The following CCR7 variants were observed in gnomAD, a reference collection of about 807,000 sequenced individuals.
CCR7 encodes C-C chemokine receptor type 7.
A neutral mutation model predicts 26.0 loss-of-function variants in CCR7; 11 were observed. That is an observed-to-expected ratio of 0.42 (90% CI 0.27 to 0.70). The LOEUF is 0.70. Ranked by LOEUF, CCR7 falls within the 30% of genes least tolerant of loss-of-function variation. CCR7 has a pLI of 0.23. For synonymous variants in CCR7, 189 were observed against 202.1 expected (o/e 0.94, Z 0.55); for missense variants, 360 against 504.0 (o/e 0.71, Z 2.74).
intron 2 of CCR7, among the ~76,000 whole-genome samples, chr17:40,557,136 T>C (rs1010505409): frequency 2.6e-5 from 4 of 152,196 alleles, no homozygotes; most frequent in Non-Finnish European, 5.9e-5. Context: ...TTCCGGCAGA[T>C]CCCAATCAGC....
At chr17:40,558,680 C>T (rs1324543037) in intron 2 of CCR7, among the ~76,000 whole-genome samples, 1 of 152,138 alleles carries the variant, frequency 6.6e-6, no homozygotes, top group Non-Finnish European at 1.5e-5. Flanking sequence ...CATGTTTTAA[C>T]CTAAATGGAG....
At chr17:40,559,075 C>T (rs2036625613) in intron 1 of CCR7, 133 bp from the exon 2 acceptor site, 1 of 702,600 alleles carries the variant, frequency 1.4e-6, no homozygotes, top group Non-Finnish European at 2.4e-6. Flanking sequence ...TGAAAGAGAA[C>T]ATCAGAACCA....
In CCR7 at chr17:40,554,812, G is replaced by A; in HGVS notation, c.1067C>T (p.Ser356Phe). Residue 356 changes from serine (S) to phenylalanine (F), a missense_variant, in exon 3 of 3, where the codon TCT becomes TTT. Coordinates refer to ENST00000246657, the MANE Select transcript of CCR7 (RefSeq NM_001838.4). Reference protein sequence around the residue: ...CLSQEQLRQWSSCRHIRRSSM... With the variant: ...CLSQEQLRQWFSCRHIRRSSM... ...GGAGCGCCGGATGTGCCGACAGGAA[G>A]ACCACTGCCGGAGCTGCTCCTGGCT... The A allele has an allele frequency of 6.2e-7, 1 of 1,614,210 alleles. No individual in the cohort carries two copies. The highest frequency in any genetic ancestry group is 8.5e-7 in the Non-Finnish European group (1 of 1,180,042).
chr17:40,565,166 C>T (rs535687714), intron 1 of CCR7, among the ~76,000 whole-genome samples: 2 of 152,264 alleles, frequency 1.3e-5, no homozygotes, highest in African/African-American at 4.8e-5. Context: ...CCCTTGTCCC[C>T]ACTGGCACCA....
chr17:40,556,590 C>T lies in CCR7; in HGVS notation c.61-772G>A, dbSNP rs573288287. 1.8e-4 allele frequency among the ~76,000 whole-genome samples: 28 copies of T among 152,306 alleles called. No homozygotes were observed. In the South Asian group the frequency reaches 5.2e-3, roughly 28 times the overall value. ...GTGAAATGGAGATGAATCCTATTTGCTTCCCATGGTTGCTGTGAGGTACCT... is the reference window on the plus strand; with the variant it reads ...GTGAAATGGAGATGAATCCTATTTGTTTCCCATGGTTGCTGTGAGGTACCT... On this transcript the variant is annotated intron_variant, in intron 2 of 2. Transcript: ENST00000246657.
chr17:40,565,301 T>TA, intron 1 of CCR7, 99 bp downstream of exon 1: 1 of 1,041,238 alleles, frequency 9.6e-7, no homozygotes, highest in Non-Finnish European at 1.5e-6. Flanking sequence ...GAAGCACCCC[T>TA]ATGCGCTCCA....
chr17:40,561,208 G>A (rs1461159438), intron 1 of CCR7, among the ~76,000 whole-genome samples: 2 of 152,240 alleles, frequency 1.3e-5, no homozygotes, highest in African/African-American at 4.8e-5. Flanking sequence ...TCCCACTCCT[G>A]CTGTTCCCGT....
At chr17:40,558,090 G>A (rs1367164500) in intron 2 of CCR7, among the ~76,000 whole-genome samples, 4 of 152,192 alleles carry the variant, frequency 2.6e-5, no homozygotes, top group Non-Finnish European at 5.9e-5. Flanking sequence ...TGCCCCTCTG[G>A]CCTCCAGACC....
In CCR7 at chr17:40,553,848, G is replaced by C. The variant is rs2036543201; in HGVS notation, c.*894C>G. ...TCAAGGGAAAACTTTATCTGTGTGT[G>C]GGTAAAATGTTGCTCTCTTAACGAA... On this transcript the variant is annotated 3_prime_UTR_variant, in exon 3 of 3. Transcript: ENST00000246657. 3 of 152,156 alleles carry C rather than the reference G, an allele frequency of 2.0e-5. No individual in the cohort carries two copies. Among genetic ancestry groups the C allele is most frequent in the Admixed American group, 1.3e-4 (2 of 15,282 alleles). The allele number at this position is 152,156 out of a possible 1,614,324, so 9.4% of individuals were successfully genotyped here. A position where few individuals can be genotyped will look rare whatever the true frequency, so the allele number is the denominator to read the frequency against.
At chr17:40,565,370 G>A (rs1264701991) in intron 1 of CCR7, 30 bp downstream of exon 1, 2 of 1,602,830 alleles carry the variant, frequency 1.2e-6, no homozygotes, top group East Asian at 2.2e-5. Context: ...CCCTGGTACT[G>A]TTCCTTCTCA....
At chr17:40,559,438 T>A (rs1335080527) in intron 1 of CCR7, among the ~76,000 whole-genome samples, 1 of 152,126 alleles carries the variant, frequency 6.6e-6, no homozygotes, top group Non-Finnish European at 1.5e-5. Flanking sequence ...TCCAGGTGAG[T>A]GCGCAGCCAC....
In CCR7 at chr17:40,555,579, C is replaced by T; in HGVS notation, c.300G>A (p.Leu100=). Residue 100 remains leucine, a synonymous_variant, in exon 3 of 3, where the codon CTG becomes CTA. Transcript: ENST00000246657. The surrounding 1 kb of genome is among the most constrained non-coding windows in gnomAD (Gnocchi z 5.6). ...GGAGGAAGAGGATGTCTGCCACCGCCAGGTTGAGCAGGTAGGTATCGGTCA... is the reference window on the plus strand; with the variant it reads ...GGAGGAAGAGGATGTCTGCCACCGCTAGGTTGAGCAGGTAGGTATCGGTCA... The part of the protein sequence containing the change: ...KTMTDTYLLN[L]AVADILFLLT... 6.2e-7 allele frequency: 1 copy of T among 1,614,070 alleles called. No homozygotes were observed. The highest frequency in any genetic ancestry group is 2.2e-5 in the East Asian group (1 of 44,886).
intron 1 of CCR7, among the ~76,000 whole-genome samples, chr17:40,565,078 G>A (rs1326912463): frequency 1.3e-5 from 2 of 151,362 alleles, no homozygotes; most frequent in East Asian, 1.9e-4. Flanking sequence ...ATGAGAACAG[G>A]TTCTGCCAGA....
chr17:40,562,269 G>A (rs1025725687), intron 1 of CCR7, among the ~76,000 whole-genome samples: 4 of 152,200 alleles, frequency 2.6e-5, no homozygotes, highest in African/African-American at 9.7e-5. Flanking sequence ...GAGGCCCAGA[G>A]AGATTAAGCC....
At chr17:40,562,664 C>T (rs568370929) in intron 1 of CCR7, among the ~76,000 whole-genome samples, 5 of 152,170 alleles carry the variant, frequency 3.3e-5, no homozygotes, top group South Asian at 2.1e-4. Context: ...TGCCGTACCA[C>T]GTTTTAAGGA....
Position 40,554,647 on chromosome 17 carries a change from T to A in CCR7, c.*95A>T. The A allele has an allele frequency of 1.0e-6, 1 of 972,942 alleles. No homozygotes were observed. The allele number at this position is 972,942 out of a possible 1,614,324, so 60.3% of individuals were successfully genotyped here. A position where few individuals can be genotyped will look rare whatever the true frequency, so the allele number is the denominator to read the frequency against. ...GAGAGCTGCTTTTCCCTGAGCAGCT[T>A]TTGGCGGGGGGATGTCCTGAGTCAT... On this transcript the variant is annotated 3_prime_UTR_variant, in exon 3 of 3. Coordinates refer to ENST00000246657, the MANE Select transcript of CCR7 (RefSeq NM_001838.4).
chr17:40,555,129 C>T lies in CCR7; in HGVS notation c.750G>A (p.Leu250=), dbSNP rs149138423. The T allele has an allele frequency of 3.1e-6, 5 of 1,614,026 alleles. No individual in the cohort carries two copies. In the African/African-American group the frequency reaches 6.7e-5, roughly 22 times the overall value. ...TGCGCTCAAAGTTGCGTGCCTGGAG[C>T]AGGGTGCGGATGATGACAAGGTAAC... ...SFCYLVIIRT[L]LQARNFERNK... is the part of the protein sequence containing the mutation. The change falls in exon 3 of 3, where the codon CTG becomes CTA. Residue 250 remains leucine, a synonymous_variant. Transcript: ENST00000246657. The surrounding 1 kb of genome is among the most constrained non-coding windows in gnomAD (Gnocchi z 5.6).
At position 40,559,801 on chromosome 17, in the gene CCR7, C is replaced by T. The variant is rs191515616; in HGVS notation, c.11-859G>A. Among the ~76,000 whole-genome samples, 3 of 152,270 alleles carry T rather than the reference C, an allele frequency of 2.0e-5. No individual in the cohort carries two copies. The East Asian group carries it at 5.8e-4, about 29-fold the overall frequency. ...ACATGAATGACAAGTAAACGAATGC[C>T]TGTCCTTTTTCCAAGGGAGAGGGCA... is the stretch of plus-strand genomic sequence containing the variant. On this transcript the variant is annotated intron_variant, in intron 1 of 2. Coordinates refer to ENST00000246657, the MANE Select transcript of CCR7 (RefSeq NM_001838.4).
At chr17:40,562,693 C>T (rs541928966) in intron 1 of CCR7, among the ~76,000 whole-genome samples, 3 of 152,268 alleles carry the variant, frequency 2.0e-5, no homozygotes, top group East Asian at 1.9e-4. Context: ...CCTGTGCCTG[C>T]GTCCTTCCTC....
Sources: allele counts gnomAD v4.1 joint callset (sites outside exome capture counted in the v4.1 genomes callset), GRCh38; gene constraint gnomAD v4.1.1; non-coding constraint Gnocchi (gnomAD v3.1); transcripts MANE v1.5; gene names NCBI Gene and HGNC (gene_info 2026-07-23, HGNC 2026-07-21).